Variants in TENM4 observed in about 807,000 individuals in gnomAD.
TENM4 encodes the protein teneurin-4.
A neutral mutation model predicts 243.3 loss-of-function variants in TENM4; 82 were observed. That is an observed-to-expected ratio of 0.34 (90% confidence interval 0.28 to 0.40). The LOEUF (loss-of-function observed/expected upper bound fraction) is 0.40, where lower values mean the gene tolerates loss of function less well. Ranked by LOEUF, TENM4 falls within the 10% of genes least tolerant of loss-of-function variation. TENM4 has a pLI of 1.00. For missense variants in TENM4, 3,138 were observed against 3,673.3 expected (o/e 0.85, Z 3.77); for synonymous variants, 1,412 against 1,456.3 (o/e 0.97, Z 0.69).
At chr11:79,150,075 A>G (rs889304526) in intron 3 of TENM4, among the ~76,000 whole-genome samples, 17 of 152,116 alleles carry the variant, frequency 1.1e-4, no homozygotes, top group African/African-American at 4.1e-4. Context: ...TCAGTCCTCA[A>G]TGCCAGAACC....
At chr11:78,988,201 C>G (rs1376599801) in intron 6 of TENM4, among the ~76,000 whole-genome samples, 6 of 152,210 alleles carry the variant, frequency 3.9e-5, no homozygotes, top group Non-Finnish European at 7.3e-5. Flanking sequence ...TGAGGATACT[C>G]AAGTAGCTAT....
chr11:79,001,818 G>T (rs930787547), intron 6 of TENM4, among the ~76,000 whole-genome samples: 57 of 152,216 alleles, frequency 3.7e-4, no homozygotes, highest in African/African-American at 1.3e-3. Flanking sequence ...GGTGCATCCT[G>T]GGGGCTCTCA....
chr11:78,786,769 C>G (rs1856944045), intron 16 of TENM4, 129 bp downstream of exon 16: 2 of 1,325,300 alleles, frequency 1.5e-6, no homozygotes, highest in Admixed American at 4.3e-5. Context: ...GTCATAATAC[C>G]TCCAGATGAA....
At chr11:78,894,627 C>G (rs57059154) in intron 7 of TENM4, among the ~76,000 whole-genome samples, 19,455 of 152,184 alleles carry the variant, frequency 0.13, 1,898 homozygotes, top group African/African-American at 0.28. Flanking sequence ...AGAGCTTCCA[C>G]ACTCATGCTC....
intron 19 of TENM4, among the ~76,000 whole-genome samples, chr11:78,750,837 A>G (rs1392510174): frequency 6.7e-6 from 1 of 149,410 alleles, no homozygotes. Context: ...GTCAATATTT[A>G]CCAAATGAGG....
intron 2 of TENM4, among the ~76,000 whole-genome samples, chr11:79,293,728 T>A (rs1335747663): frequency 6.6e-6 from 1 of 152,054 alleles, no homozygotes. Context: ...CCAGGCAACA[T>A]GTCCACCTAG....
intron 18 of TENM4, among the ~76,000 whole-genome samples, chr11:78,763,684 C>G (rs993048881): frequency 6.6e-6 from 1 of 152,150 alleles, no homozygotes; most frequent in Non-Finnish European, 1.5e-5. Flanking sequence ...GAAGACCTAG[C>G]CTCTCCCCTG....
chr11:79,153,887 T>G (rs1210170243), intron 3 of TENM4, among the ~76,000 whole-genome samples: 1 of 152,154 alleles, frequency 6.6e-6, no homozygotes, highest in African/African-American at 2.4e-5. Flanking sequence ...TTAGTGATCT[T>G]AGGTAAGGTA....
chr11:79,379,145 C>A (rs1490039353), intron 1 of TENM4, among the ~76,000 whole-genome samples: 1 of 152,082 alleles, frequency 6.6e-6, no homozygotes, highest in Admixed American at 6.5e-5. Context: ...GACGGGTTAG[C>A]AATAGGTAGC....
intron 2 of TENM4, among the ~76,000 whole-genome samples, chr11:79,270,833 G>A (rs1226722676): frequency 6.6e-6 from 1 of 152,146 alleles, no homozygotes; most frequent in African/African-American, 2.4e-5. Context: ...ACGGCCCCAC[G>A]ATGGCAGGGA....
intron 6 of TENM4, among the ~76,000 whole-genome samples, chr11:78,995,519 T>C (rs369625742): frequency 6.6e-6 from 1 of 152,208 alleles, no homozygotes; most frequent in Non-Finnish European, 1.5e-5. Context: ...GCCATTTGGA[T>C]TTCTAAAAAA....
At chr11:79,391,373 C>G (rs1201625605) in intron 1 of TENM4, among the ~76,000 whole-genome samples, 1 of 151,796 alleles carries the variant, frequency 6.6e-6, no homozygotes, top group Non-Finnish European at 1.5e-5. Context: ...TCCTCAGGGC[C>G]TGATCTGTGC....
Position 79,071,082 on chromosome 11 carries a change from C to T in TENM4, c.-65-1073G>A, listed in dbSNP as rs183043624. Among the ~76,000 whole-genome samples, 12 of 152,328 alleles carry T rather than the reference C, an allele frequency of 7.9e-5. No homozygotes were observed. In the East Asian group the frequency reaches 2.3e-3, roughly 29 times the overall value. Reference sequence around the variant, plus strand: ...CCCATCTTGACCCTTCTGCCCTACACTGACACCCCTGGATTTTTGAGTTGT... The same window carrying T: ...CCCATCTTGACCCTTCTGCCCTACATTGACACCCCTGGATTTTTGAGTTGT... On this transcript the variant is annotated intron_variant, in intron 4 of 33. Coordinates refer to ENST00000278550, the MANE Select transcript of TENM4 (RefSeq NM_001098816.3).
At chr11:79,019,534 A>G (rs2136793637) in intron 6 of TENM4, among the ~76,000 whole-genome samples, 2 of 152,332 alleles carry the variant, frequency 1.3e-5, no homozygotes, top group South Asian at 4.1e-4. Flanking sequence ...TGAATGTCAT[A>G]TCTTCCAGAA....
chr11:78,781,662 T>C (rs1856839615), intron 16 of TENM4, among the ~76,000 whole-genome samples: 1 of 152,074 alleles, frequency 6.6e-6, no homozygotes, highest in South Asian at 2.1e-4. Flanking sequence ...ATTCTTACTC[T>C]CCAGGAGCCT....
chr11:79,437,958 G>T (rs1008162993), intron 1 of TENM4, among the ~76,000 whole-genome samples: 5 of 152,164 alleles, frequency 3.3e-5, no homozygotes, highest in Non-Finnish European at 7.3e-5. Flanking sequence ...CTTTTCAATC[G>T]CATTGTTAAG....
At chr11:78,936,084 C>T (rs772712713) in intron 6 of TENM4, among the ~76,000 whole-genome samples, 5 of 152,170 alleles carry the variant, frequency 3.3e-5, no homozygotes, top group Admixed American at 6.5e-5. Flanking sequence ...TTCATGCACA[C>T]GTTTCATCTC....
intron 12 of TENM4, among the ~76,000 whole-genome samples, chr11:78,850,891 A>G (rs1209486355): frequency 1.3e-5 from 2 of 152,182 alleles, no homozygotes; most frequent in Non-Finnish European, 2.9e-5. Context: ...CTGATCACAG[A>G]GCTAACATGT....
At chr11:79,300,072 C>T (rs1315866168) in intron 1 of TENM4, among the ~76,000 whole-genome samples, 1 of 152,176 alleles carries the variant, frequency 6.6e-6, no homozygotes, top group Non-Finnish European at 1.5e-5. Flanking sequence ...GAATTAGTAC[C>T]CCCTCCTCTG....
Sources: allele counts gnomAD v4.1 joint callset (sites outside exome capture counted in the v4.1 genomes callset), GRCh38; gene constraint gnomAD v4.1.1; transcripts MANE v1.5; gene names NCBI Gene and HGNC (gene_info 2026-07-23, HGNC 2026-07-21).